Variants in WDR27 observed in about 807,000 individuals in gnomAD.
WDR27 encodes WD repeat domain 27.
A neutral mutation model predicts 114.4 loss-of-function variants in WDR27; 100 were observed. The ratio of observed to expected loss-of-function variants is 0.87; its 90% confidence interval spans 0.74 to 1.03. The LOEUF (loss-of-function observed/expected upper bound fraction) is 1.03, where lower values mean the gene tolerates loss of function less well. Among genes scored for constraint, WDR27 ranks in the 50% least tolerant of loss-of-function variants. WDR27 has a pLI of 0.00. For missense variants in WDR27, 1,129 were observed against 1,092.9 expected (o/e 1.03, Z -0.47); for synonymous variants, 449 against 423.1 (o/e 1.06, Z -0.75).
the WDR27 span, among the ~76,000 whole-genome samples, chr6:169,430,765 G>A: frequency 7.9e-5 from 12 of 152,136 alleles, no homozygotes; most frequent in Non-Finnish European, 1.8e-4. Flanking sequence ...TCAAAGAAAC[G>A]TAAATGAATC....
rs569067524 is a variant in WDR27 at position 169,572,801 on chromosome 6, A to G, written c.2524-261T>C. ...TTTTTCTCAGTAATACTACTTGTTG[A>G]GAAAGTAATCTATCTTGAGAAAATA... is the stretch of plus-strand genomic sequence containing the variant. On this transcript the variant is annotated intron_variant, in intron 24 of 25. Transcript: ENST00000448612. Among the ~76,000 whole-genome samples, 3 of 152,342 alleles carry G rather than the reference A, an allele frequency of 2.0e-5. No individual in the cohort carries two copies. In the South Asian group the frequency reaches 6.2e-4, roughly 32 times the overall value.
rs1033367553 is a variant in WDR27 at position 169,597,973 on chromosome 6, T to G, written c.2424+4246A>C. Among the ~76,000 whole-genome samples, 180 of 149,948 alleles carry G rather than the reference T, an allele frequency of 1.2e-3. 1 individual carries two copies. Among genetic ancestry groups the G allele is most frequent in the African/African-American group, 4.3e-3 (176 of 40,510 alleles). On this transcript the variant is annotated intron_variant, in intron 23 of 25. Coordinates refer to ENST00000448612, the MANE Select transcript of WDR27 (RefSeq NM_182552.5). Reference sequence around the variant, plus strand: ...AAACATAGGTCTCTTTTTTTTTTTGTTTAGAAATGGCAAACTCCTTCAGAG... The same window carrying G: ...AAACATAGGTCTCTTTTTTTTTTTGGTTAGAAATGGCAAACTCCTTCAGAG...
chr6:169,688,339 G>A (rs1252457079), intron 2 of WDR27, among the ~76,000 whole-genome samples: 2 of 152,160 alleles, frequency 1.3e-5, no homozygotes, highest in Non-Finnish European at 2.9e-5. Context: ...GGTATTAGAA[G>A]TCAAGATAGT....
At chr6:169,499,891 C>T (rs1243533461) in intron 25 of WDR27, among the ~76,000 whole-genome samples, 1 of 152,192 alleles carries the variant, frequency 6.6e-6, no homozygotes, top group Non-Finnish European at 1.5e-5. Flanking sequence ...CATGTTCAAT[C>T]GTGCAGTCCC....
chr6:169,601,822 G>A (rs1808046054), intron 23 of WDR27, among the ~76,000 whole-genome samples: 1 of 152,208 alleles, frequency 6.6e-6, no homozygotes, highest in African/African-American at 2.4e-5. Flanking sequence ...ATTAATATAA[G>A]CACATTGTTT....
chr6:169,513,747 A>AAT (rs1793244717), intron 25 of WDR27, among the ~76,000 whole-genome samples: 1 of 151,516 alleles, frequency 6.6e-6, no homozygotes, highest in Non-Finnish European at 1.5e-5. Flanking sequence ...ACTTATAAAC[A>AAT]GCAACATGTG....
At chr6:169,689,046 G>C in intron 1 of WDR27, 34 bp from the exon 2 acceptor site, 3 of 1,495,874 alleles carry the variant, frequency 2.0e-6, no homozygotes, top group Non-Finnish European at 2.7e-6. Context: ...GATGACTATA[G>C]GTATCATATT....
chr6:169,448,916 C>T, the WDR27 span, among the ~76,000 whole-genome samples: 1 of 152,210 alleles, frequency 6.6e-6, no homozygotes, highest in Admixed American at 6.5e-5. Flanking sequence ...GGCAAGAGTG[C>T]ATGCAGCCTC....
intron 24 of WDR27, among the ~76,000 whole-genome samples, chr6:169,577,262 C>T (rs1049341504): frequency 6.6e-6 from 1 of 152,048 alleles, no homozygotes; most frequent in Non-Finnish European, 1.5e-5. Context: ...GAATGGGACG[C>T]GGAGGTGGTG....
intron 25 of WDR27, among the ~76,000 whole-genome samples, chr6:169,480,663 G>A (rs1787896457): frequency 6.6e-6 from 1 of 151,858 alleles, no homozygotes; most frequent in Non-Finnish European, 1.5e-5. Flanking sequence ...TGTCTAGCTA[G>A]AGGATTGTAA....
chr6:169,564,086 G>A (rs1800072940), intron 25 of WDR27, among the ~76,000 whole-genome samples: 1 of 152,232 alleles, frequency 6.6e-6, no homozygotes, highest in African/African-American at 2.4e-5. Context: ...AAGTAGGGAA[G>A]CAAACAATGT....
At position 169,636,473 on chromosome 6, in the gene WDR27, G is replaced by C. The variant is rs748461891; in HGVS notation, c.1901C>G (p.Ser634Cys). 14 of 1,612,902 alleles carry C rather than the reference G, an allele frequency of 8.7e-6. No individual in the cohort carries two copies. The East Asian group carries it at 3.1e-4, about 36-fold the overall frequency. Reference sequence around the variant, plus strand: ...GGCATCTATATAATAGAACTGTGCAGACTGTATAGGTTTAGAAAACATGTC... The same window carrying C: ...GGCATCTATATAATAGAACTGTGCACACTGTATAGGTTTAGAAAACATGTC... ...GKDMFSKPIQ[S>C]AQFYYIDAFI... is the part of the protein sequence containing the mutation. The change falls in exon 19 of 26, where the codon TCT becomes TGT. Residue 634 changes from serine (S) to cysteine (C), a missense_variant. Transcript: ENST00000448612.
intron 14 of WDR27, among the ~76,000 whole-genome samples, chr6:169,651,452 A>G (rs77882533): frequency 0.14 from 20,544 of 151,982 alleles, 1,546 homozygotes; most frequent in African/African-American, 0.18. Flanking sequence ...AGGCCTCCTC[A>G]TGGTTTCTCA....
At chr6:169,657,464 C>T (rs1159043476) in intron 13 of WDR27, among the ~76,000 whole-genome samples, 11 of 152,136 alleles carry the variant, frequency 7.2e-5, no homozygotes, top group Admixed American at 5.2e-4. Flanking sequence ...GGTCGCTGGC[C>T]GGGGAGATGG....
At chr6:169,560,019 C>T (rs934178854) in intron 25 of WDR27, 1 of 152,168 alleles carries the variant, frequency 6.6e-6, no homozygotes, top group African/African-American at 2.4e-5. Context: ...CAGTAAGCAC[C>T]TAATCAGTGC....
intron 21 of WDR27, among the ~76,000 whole-genome samples, chr6:169,619,279 G>A (rs1427661632): frequency 5.3e-5 from 8 of 151,780 alleles, no homozygotes; most frequent in Non-Finnish European, 7.4e-5. Context: ...GGAACAAAGC[G>A]AGGCACATCT....
intron 13 of WDR27, among the ~76,000 whole-genome samples, chr6:169,654,059 A>T (rs1254545869): frequency 3.9e-5 from 6 of 152,240 alleles, no homozygotes; most frequent in Non-Finnish European, 7.3e-5. Context: ...GTTCCAAAAA[A>T]CAAATACAAA....
chr6:169,675,786 AG>A (rs34077033), intron 2 of WDR27, among the ~76,000 whole-genome samples: 13,534 of 152,252 alleles, frequency 0.089, 1,779 homozygotes, highest in East Asian at 0.6. Context: ...GCTCTCAGAT[AG>A]ACTTCAGAGA....
Position 169,570,437 on chromosome 6 carries a change from C to T in WDR27, c.2645+1982G>A, listed in dbSNP as rs906210728. On this transcript the variant is annotated intron_variant, in intron 25 of 25. Coordinates refer to ENST00000448612, the MANE Select transcript of WDR27 (RefSeq NM_182552.5). The stretch of plus-strand genomic sequence containing the variant: ...GAGGACACGAGACCAGCAGTGTGTA[C>T]GTGATGCTTCACTCCCAGGAATACT... Among the ~76,000 whole-genome samples, 4 of 152,174 alleles carry T rather than the reference C, an allele frequency of 2.6e-5. No individual in the cohort carries two copies. The East Asian group carries it at 5.8e-4, about 22-fold the overall frequency.
Sources: allele counts gnomAD v4.1 joint callset (sites outside exome capture counted in the v4.1 genomes callset), GRCh38; gene constraint gnomAD v4.1.1; transcripts MANE v1.5; gene names NCBI Gene and HGNC (gene_info 2026-07-23, HGNC 2026-07-21).